The following LDLRAD3 variants were observed in gnomAD, a reference collection of about 807,000 sequenced individuals.
LDLRAD3 encodes low density lipoprotein receptor class A domain containing 3, also known as low-density lipoprotein receptor class A domain-containing protein 3.
Under a neutral mutation model 29.4 loss-of-function variants are expected in LDLRAD3, and 20 were observed. The observed-to-expected ratio is 0.68, with a 90% confidence interval of 0.48 to 0.99. The LOEUF (loss-of-function observed/expected upper bound fraction) is 0.99, where lower values mean the gene tolerates loss of function less well. LDLRAD3 is among the 50% of genes least tolerant of loss of function. LDLRAD3 has a pLI of 0.00. For synonymous variants in LDLRAD3, 157 were observed against 192.7 expected, an observed-to-expected ratio of 0.81 and a Z score of 1.53; for missense variants, 420 against 454.3, an observed-to-expected ratio of 0.92 and a Z score of 0.69.
intron 1 of LDLRAD3, among the ~76,000 whole-genome samples, chr11:35,998,351 A>G (rs1195749178): frequency 1.3e-5 from 2 of 152,168 alleles, no homozygotes; most frequent in East Asian, 1.9e-4. Flanking sequence ...CTAGTGGCCA[A>G]TGAACATTGG....
intron 2 of LDLRAD3, among the ~76,000 whole-genome samples, chr11:36,077,428 C>T (rs566884922): frequency 6.6e-6 from 1 of 152,342 alleles, no homozygotes; most frequent in Admixed American, 6.5e-5. Flanking sequence ...CTGGGCTTCT[C>T]TGCCTACTTG....
chr11:36,168,056 TTTC>T (rs745839891), intron 4 of LDLRAD3, among the ~76,000 whole-genome samples: 1 of 152,186 alleles, frequency 6.6e-6, no homozygotes, highest in Non-Finnish European at 1.5e-5. Context: ...TCTCCTCTAC[TTTC>T]TCTTCTGGCC....
intron 4 of LDLRAD3, among the ~76,000 whole-genome samples, chr11:36,200,480 G>C (rs1446070886): frequency 6.6e-6 from 1 of 152,126 alleles, no homozygotes; most frequent in African/African-American, 2.4e-5. Context: ...AATTGAGGGG[G>C]ATACATACAT....
chr11:36,220,051 A>G (rs1226988330), intron 4 of LDLRAD3, among the ~76,000 whole-genome samples: 6 of 152,232 alleles, frequency 3.9e-5, no homozygotes, highest in Non-Finnish European at 8.8e-5. Context: ...GCTGTGGCAA[A>G]TCAGTACATG....
chr11:36,049,360 C>A lies in LDLRAD3; in HGVS notation c.193+13111C>A, dbSNP rs150625919. 6.2e-3 allele frequency among the ~76,000 whole-genome samples: 941 copies of A among 152,128 alleles called. 14 individuals are homozygous for A. Among genetic ancestry groups the A allele is most frequent in the African/African-American group, 0.022 (902 of 41,478 alleles). Reference sequence around the variant, plus strand: ...TTGCCAGATCGCTTTTTAAAAAAATCTTGAGACAGATGAGAAAATAATAAT... The same window carrying A: ...TTGCCAGATCGCTTTTTAAAAAAATATTGAGACAGATGAGAAAATAATAAT... On this transcript the variant is annotated intron_variant, in intron 2 of 5. Transcript: ENST00000315571.
At chr11:36,017,308 GCTAA>G (rs991268169) in intron 1 of LDLRAD3, among the ~76,000 whole-genome samples, 7 of 152,140 alleles carry the variant, frequency 4.6e-5, no homozygotes, top group African/African-American at 1.7e-4. Context: ...CAAAGCTTTG[GCTAA>G]CTTTCTCAAA....
chr11:36,062,358 C>T (rs2133234919), intron 2 of LDLRAD3, among the ~76,000 whole-genome samples: 1 of 152,226 alleles, frequency 6.6e-6, no homozygotes. Context: ...ATTTTGGGGC[C>T]AGGTAAGTCT....
intron 4 of LDLRAD3, among the ~76,000 whole-genome samples, chr11:36,152,805 C>T (rs1021234647): frequency 1.3e-5 from 2 of 152,170 alleles, no homozygotes; most frequent in African/African-American, 2.4e-5. Context: ...GCTATTTTTG[C>T]TCTGTAACCT....
At chr11:36,140,992 T>TTCTCTC (rs557939353) in intron 4 of LDLRAD3, among the ~76,000 whole-genome samples, 22,618 of 109,692 alleles carry the variant, frequency 0.21, 3,215 homozygotes, top group Admixed American at 0.27. Context: ...CTGTTGAGCT[T>TTCTCTC]TCTCTCTCTC....
chr11:36,142,479 A>C (rs1335640107), intron 4 of LDLRAD3, among the ~76,000 whole-genome samples: 1 of 152,158 alleles, frequency 6.6e-6, no homozygotes, highest in African/African-American at 2.4e-5. Flanking sequence ...GCTCCTCATG[A>C]AGTCTGGATG....
At chr11:36,191,576 C>CTCTCTCTCTCTCTCTCTCTA (rs377747518) in intron 4 of LDLRAD3, among the ~76,000 whole-genome samples, 34 of 53,408 alleles carry the variant, frequency 6.4e-4, no homozygotes, top group Non-Finnish European at 1.0e-3. Context: ...CTCTCTCTCT[C>CTCTCTCTCTCTCTCTCTCTA]TATATATATA....
At chr11:36,161,008 T>C (rs1244722675) in intron 4 of LDLRAD3, among the ~76,000 whole-genome samples, 1 of 152,166 alleles carries the variant, frequency 6.6e-6, no homozygotes, top group East Asian at 1.9e-4. Context: ...TTGGCCAGGC[T>C]GGTCTTGAAC....
chr11:36,037,503 C>T (rs539594523), intron 2 of LDLRAD3, among the ~76,000 whole-genome samples: 4 of 152,164 alleles, frequency 2.6e-5, no homozygotes, highest in Non-Finnish European at 5.9e-5. Flanking sequence ...TTATTAGAGA[C>T]GGGGTTTTAC....
intron 1 of LDLRAD3, among the ~76,000 whole-genome samples, chr11:36,029,309 G>A (rs563411292): frequency 4.9e-4 from 74 of 152,216 alleles, no homozygotes; most frequent in African/African-American, 1.8e-3. Context: ...ATGTGTTTCC[G>A]TAGATGTCAG....
At chr11:35,960,760 C>G (rs1851266710) in intron 1 of LDLRAD3, among the ~76,000 whole-genome samples, 1 of 152,152 alleles carries the variant, frequency 6.6e-6, no homozygotes, top group Non-Finnish European at 1.5e-5. Context: ...CCACATCTGG[C>G]TAATTTTTGT....
At chr11:35,975,374 G>A (rs760340947) in intron 1 of LDLRAD3, among the ~76,000 whole-genome samples, 19 of 152,346 alleles carry the variant, frequency 1.2e-4, no homozygotes, top group Middle Eastern at 3.4e-3. Context: ...AAGCTGTGGA[G>A]TGTTTGAGTT....
intron 2 of LDLRAD3, among the ~76,000 whole-genome samples, chr11:36,062,806 C>A (rs1366528946): frequency 6.6e-6 from 1 of 152,162 alleles, no homozygotes; most frequent in African/African-American, 2.4e-5. Context: ...GAGGCCTCCC[C>A]AGCCATGCTG....
chr11:35,994,617 T>A (rs1851731345), intron 1 of LDLRAD3, among the ~76,000 whole-genome samples: 1 of 152,188 alleles, frequency 6.6e-6, no homozygotes, highest in Non-Finnish European at 1.5e-5. Flanking sequence ...CAATGAAGTT[T>A]ACCACATCAA....
chr11:36,189,937 C>T (rs1854915744), intron 4 of LDLRAD3, among the ~76,000 whole-genome samples: 1 of 152,102 alleles, frequency 6.6e-6, no homozygotes, highest in Admixed American at 6.5e-5. Flanking sequence ...CATAGTATTC[C>T]ATGGTGTATA....
Sources: allele counts gnomAD v4.1 joint callset (sites outside exome capture counted in the v4.1 genomes callset), GRCh38; gene constraint gnomAD v4.1.1; transcripts MANE v1.5; gene names NCBI Gene and HGNC (gene_info 2026-07-23, HGNC 2026-07-21).